The following PDE4B variants were observed in gnomAD, a reference collection of about 807,000 sequenced individuals.
PDE4B encodes the protein 3',5'-cyclic-AMP phosphodiesterase 4B.
A neutral mutation model predicts 82.2 loss-of-function variants in PDE4B; 20 were observed. The observed-to-expected ratio is 0.24, with a 90% confidence interval of 0.17 to 0.35. The LOEUF (loss-of-function observed/expected upper bound fraction) is 0.35. PDE4B is among the 10% of genes least tolerant of loss of function. The probability of loss-of-function intolerance (pLI) is 1.00; values close to 1 mark genes in which losing one functional copy is unlikely to be tolerated. For missense variants in PDE4B, 655 were observed against 907.2 expected (o/e 0.72, Z 3.57); for synonymous variants, 320 against 318.9 (o/e 1.00, Z -0.04).
chr1:66,244,300 G>A (rs1463617036), intron 3 of PDE4B, among the ~76,000 whole-genome samples: 1 of 152,136 alleles, frequency 6.6e-6, no homozygotes, highest in East Asian at 1.9e-4. Flanking sequence ...TTTCTCTATT[G>A]TCTACGTTTT....
chr1:66,019,228 A>G (rs1652949601), intron 3 of PDE4B, among the ~76,000 whole-genome samples: 1 of 152,158 alleles, frequency 6.6e-6, no homozygotes, highest in African/African-American at 2.4e-5. Flanking sequence ...AAGGAACTGA[A>G]GCTTAATTTA....
chr1:65,994,226 T>C (rs924491895), intron 3 of PDE4B, among the ~76,000 whole-genome samples: 10 of 152,218 alleles, frequency 6.6e-5, no homozygotes, highest in African/African-American at 2.4e-4. Context: ...CTAAAATGTT[T>C]GTCTGCTTAA....
chr1:66,125,072 G>A (rs1484957104), intron 3 of PDE4B, among the ~76,000 whole-genome samples: 3 of 150,988 alleles, frequency 2.0e-5, no homozygotes, highest in Admixed American at 6.6e-5. Context: ...TTTTTGAGAC[G>A]GAGTCTCAAT....
chr1:66,017,195 T>C (rs1652827373), intron 3 of PDE4B, among the ~76,000 whole-genome samples: 1 of 152,194 alleles, frequency 6.6e-6, no homozygotes, highest in African/African-American at 2.4e-5. Flanking sequence ...AGAGAATTTA[T>C]TGTATTTGTG....
At chr1:65,834,442 T>C (rs1368838655) in intron 1 of PDE4B, among the ~76,000 whole-genome samples, 2 of 152,232 alleles carry the variant, frequency 1.3e-5, no homozygotes, top group African/African-American at 4.8e-5. Flanking sequence ...TAAATGCATG[T>C]CAACTATTAA....
chr1:66,007,237 G>A (rs1213712112), intron 3 of PDE4B, among the ~76,000 whole-genome samples: 1 of 152,096 alleles, frequency 6.6e-6, no homozygotes, highest in African/African-American at 2.4e-5. Context: ...TTGAGGTCAG[G>A]CATTCAAGAC....
chr1:66,179,923 C>A (rs913488345), intron 3 of PDE4B, among the ~76,000 whole-genome samples: 1 of 152,090 alleles, frequency 6.6e-6, no homozygotes, highest in African/African-American at 2.4e-5. Flanking sequence ...GGAAATGGGG[C>A]CTAATTGACC....
chr1:66,134,981 A>G (rs1183762975), intron 3 of PDE4B, among the ~76,000 whole-genome samples: 2 of 152,232 alleles, frequency 1.3e-5, no homozygotes, highest in East Asian at 1.9e-4. Flanking sequence ...AAAGGATAAT[A>G]CTAGAATTGG....
chr1:65,813,655 G>T (rs1645845117), intron 1 of PDE4B, among the ~76,000 whole-genome samples: 1 of 152,116 alleles, frequency 6.6e-6, no homozygotes, highest in African/African-American at 2.4e-5. Context: ...AAGAATCACT[G>T]CTACAGATAG....
At position 65,964,296 on chromosome 1, in the gene PDE4B, G is replaced by A. The variant is rs1318474; in HGVS notation, c.281+45461G>A. ...CAGGTTACATGCCAAGCAATAAAAC[G>A]GTTAAACAATTAAAAGGTTTCCAAG... On this transcript the variant is annotated intron_variant, in intron 3 of 16. Coordinates refer to ENST00000341517, the MANE Select transcript of PDE4B (RefSeq NM_002600.4). Among the ~76,000 whole-genome samples the A allele has an allele frequency of 2.6e-4, 40 of 152,008 alleles. 1 individual carries two copies. Among genetic ancestry groups the A allele is most frequent in the African/African-American group, 9.4e-4 (39 of 41,388 alleles).
intron 1 of PDE4B, among the ~76,000 whole-genome samples, chr1:65,872,933 T>TCA (rs1646591259): frequency 1.3e-5 from 2 of 152,192 alleles, no homozygotes; most frequent in South Asian, 4.1e-4. Context: ...ATTTATTCAA[T>TCA]GACCTGCAGA....
intron 1 of PDE4B, among the ~76,000 whole-genome samples, chr1:65,889,280 A>G (rs960404972): frequency 6.6e-6 from 1 of 152,098 alleles, no homozygotes; most frequent in African/African-American, 2.4e-5. Context: ...CCTGGGATAA[A>G]TCCCACTTGA....
At chr1:66,200,533 C>G (rs921281654) in intron 3 of PDE4B, among the ~76,000 whole-genome samples, 20 of 151,988 alleles carry the variant, frequency 1.3e-4, no homozygotes, top group African/African-American at 4.8e-4. Flanking sequence ...GAGCAGTGGT[C>G]TGTAGTTCTC....
intron 3 of PDE4B, among the ~76,000 whole-genome samples, chr1:66,146,215 ACT>A (rs1646268233): frequency 9.2e-6 from 1 of 108,912 alleles, no homozygotes; most frequent in Non-Finnish European, 1.7e-5. Context: ...ACGGAGTCTC[ACT>A]CTGTCCCCCA....
At chr1:66,020,635 G>A (rs1389612840) in intron 3 of PDE4B, among the ~76,000 whole-genome samples, 1 of 152,172 alleles carries the variant, frequency 6.6e-6, no homozygotes, top group Non-Finnish European at 1.5e-5. Flanking sequence ...TCCCTACAAA[G>A]GAGATGAACT....
chr1:65,896,713 A>G (rs1180564462), intron 1 of PDE4B, among the ~76,000 whole-genome samples: 1 of 152,202 alleles, frequency 6.6e-6, no homozygotes, highest in Non-Finnish European at 1.5e-5. Context: ...ATAGTCTGAA[A>G]GACTTGGGAT....
intron 6 of PDE4B, among the ~76,000 whole-genome samples, chr1:66,262,572 T>G (rs991536043): frequency 1.3e-5 from 2 of 152,240 alleles, no homozygotes; most frequent in Non-Finnish European, 2.9e-5. Flanking sequence ...GATTCTTCCA[T>G]AAGTTACGGA....
chr1:66,030,167 A>G (rs1318079220), intron 3 of PDE4B, among the ~76,000 whole-genome samples: 1 of 151,618 alleles, frequency 6.6e-6, no homozygotes, highest in Admixed American at 6.6e-5. Flanking sequence ...TTATTTGCAT[A>G]TGTTGAACCA....
chr1:65,905,972 T>C (rs1181572396), intron 1 of PDE4B, among the ~76,000 whole-genome samples: 1 of 152,126 alleles, frequency 6.6e-6, no homozygotes, highest in Non-Finnish European at 1.5e-5. Flanking sequence ...GGGCTCTCAA[T>C]CTTTTGTTGA....
Sources: gnomAD v4.1 joint callset for allele counts (sites outside exome capture counted in the v4.1 genomes callset) on GRCh38, gnomAD v4.1.1 for gene constraint, MANE v1.5 for transcripts, NCBI Gene and HGNC (gene_info 2026-07-23, HGNC 2026-07-21) for gene names.